Variants in SYT14 observed in about 807,000 individuals in gnomAD.
The protein encoded by SYT14 is synaptotagmin 14.
SYT14 carries 32 observed loss-of-function variants against 74.2 expected under a neutral mutation model. The observed-to-expected ratio is 0.43, with a 90% CI of 0.33 to 0.58. SYT14 has a LOEUF of 0.58. Among genes scored for constraint, SYT14 ranks in the 20% least tolerant of loss-of-function variants. The pLI is 0.05. For missense variants in SYT14, 791 were observed against 981.8 expected, an observed-to-expected ratio of 0.81 and a Z score of 2.60; for synonymous variants, 298 against 337.7, an observed-to-expected ratio of 0.88 and a Z score of 1.29.
chr1:210,059,304 C>A (rs2081156783), intron 5 of SYT14, among the ~76,000 whole-genome samples: 1 of 151,410 alleles, frequency 6.6e-6, no homozygotes, highest in South Asian at 2.1e-4. Context: ...CTGGGAATTT[C>A]CCATGCTAAA....
intron 7 of SYT14, among the ~76,000 whole-genome samples, chr1:210,103,622 A>C (rs1032209257): frequency 2.6e-5 from 4 of 151,960 alleles, no homozygotes; most frequent in Non-Finnish European, 5.9e-5. Flanking sequence ...AATGCATGAT[A>C]GAAAATATAC....
Position 210,037,176 on chromosome 1 carries a change from G to T in SYT14, c.1312+15922G>T, listed in dbSNP as rs145562615. ...AATCTTGGGAGATTGTATGTTTCCA[G>T]GAATTTATCCATTTCCTCTAGGTTT... On this transcript the variant is annotated intron_variant, in intron 5 of 9. Transcript: ENST00000637265. 2.9e-3 allele frequency among the ~76,000 whole-genome samples: 445 copies of T among 152,084 alleles called. 2 individuals are homozygous for T. Among genetic ancestry groups the T allele is most frequent in the African/African-American group, 9.9e-3 (410 of 41,536 alleles).
intron 7 of SYT14, among the ~76,000 whole-genome samples, chr1:210,104,745 C>T (rs2102559204): frequency 6.6e-6 from 1 of 152,220 alleles, no homozygotes; most frequent in Non-Finnish European, 1.5e-5. Flanking sequence ...AAACTCTATT[C>T]TTTATCTCAC....
chr1:210,145,742 C>G (rs1027935338), intron 7 of SYT14, among the ~76,000 whole-genome samples: 7 of 152,192 alleles, frequency 4.6e-5, no homozygotes, highest in African/African-American at 1.7e-4. Flanking sequence ...ACGTGATACC[C>G]ACTTTTGGGG....
At chr1:209,944,704 T>G (rs2078793921) in intron 1 of SYT14, among the ~76,000 whole-genome samples, 1 of 152,048 alleles carries the variant, frequency 6.6e-6, no homozygotes, top group South Asian at 2.1e-4. Context: ...GAATTCCAAT[T>G]TGGGAGGATA....
intron 7 of SYT14, among the ~76,000 whole-genome samples, chr1:210,132,131 G>A (rs1254065684): frequency 6.6e-6 from 1 of 151,970 alleles, no homozygotes; most frequent in Admixed American, 6.6e-5. Context: ...ACTATGTGTT[G>A]CCCTCAATGA....
intron 2 of SYT14, among the ~76,000 whole-genome samples, chr1:209,966,975 T>G (rs910977285): frequency 3.9e-5 from 6 of 152,164 alleles, no homozygotes; most frequent in African/African-American, 1.2e-4. Context: ...ATGTTAGATG[T>G]TTTTGCCTGG....
chr1:209,966,148 G>A, intron 2 of SYT14: 1 of 307,230 alleles, frequency 3.3e-6, no homozygotes, highest in Non-Finnish European at 6.4e-6. Flanking sequence ...GAGGTTACAG[G>A]CATGAGCCAC....
chr1:210,166,600 G>T (rs370952017), exon 10 of SYT14: 3 of 152,204 alleles, frequency 2.0e-5, no homozygotes, highest in African/African-American at 7.2e-5. Flanking sequence ...GAGAGGAAGG[G>T]AGGAGGAGAA....
chr1:209,967,652 A>T (rs1159942336), intron 2 of SYT14, among the ~76,000 whole-genome samples: 1 of 152,106 alleles, frequency 6.6e-6, no homozygotes, highest in Non-Finnish European at 1.5e-5. Flanking sequence ...TCAAATGAAG[A>T]TAATCTATTT....
intron 5 of SYT14, among the ~76,000 whole-genome samples, chr1:210,068,066 G>C (rs2081328908): frequency 6.6e-6 from 1 of 151,690 alleles, no homozygotes; most frequent in Non-Finnish European, 1.5e-5. Flanking sequence ...TATGATGTTT[G>C]CTCTGGTTAT....
At chr1:210,076,269 A>G (rs1418779106) in intron 5 of SYT14, among the ~76,000 whole-genome samples, 1 of 152,220 alleles carries the variant, frequency 6.6e-6, no homozygotes, top group Admixed American at 6.5e-5. Context: ...TCTTACTAAT[A>G]TAGATGCCAT....
At chr1:210,139,279 T>A in intron 7 of SYT14, among the ~76,000 whole-genome samples, 1 of 147,664 alleles carries the variant, frequency 6.8e-6, no homozygotes, top group Non-Finnish European at 1.5e-5. Context: ...TTTTTTTTTT[T>A]TTTTTTTTGA....
chr1:210,121,770 G>A (rs532998530), intron 7 of SYT14, among the ~76,000 whole-genome samples: 20 of 151,002 alleles, frequency 1.3e-4, no homozygotes, highest in African/African-American at 4.9e-4. Flanking sequence ...CTCTAGCCTG[G>A]GCGACAGAGC....
At chr1:210,033,488 G>C (rs757119511) in intron 5 of SYT14, among the ~76,000 whole-genome samples, 43 of 151,858 alleles carry the variant, frequency 2.8e-4, no homozygotes, top group South Asian at 6.2e-4. Context: ...TGAAATCTTT[G>C]ATGTGTGAGT....
At chr1:210,037,528 T>C (rs777079463) in intron 5 of SYT14, among the ~76,000 whole-genome samples, 24 of 97,594 alleles carry the variant, frequency 2.5e-4, no homozygotes, top group Non-Finnish European at 4.2e-4. Context: ...GTGATTTTTC[T>C]GTTTTTTTTT....
At chr1:210,068,177 C>A (rs561691074) in intron 5 of SYT14, among the ~76,000 whole-genome samples, 2 of 151,864 alleles carry the variant, frequency 1.3e-5, no homozygotes, top group East Asian at 3.9e-4. Context: ...TTTTCTCTTT[C>A]TAATCTTTGG....
chr1:210,082,297 A>T (rs2081630982), intron 5 of SYT14, among the ~76,000 whole-genome samples: 2 of 152,202 alleles, frequency 1.3e-5, no homozygotes. Context: ...CATCGAGCCA[A>T]ACCATTGGCA....
At chr1:210,142,386 A>G (rs1211599618) in intron 7 of SYT14, among the ~76,000 whole-genome samples, 1 of 152,194 alleles carries the variant, frequency 6.6e-6, no homozygotes, top group Non-Finnish European at 1.5e-5. Flanking sequence ...AGAGTTCTGA[A>G]AAAGTTTTTT....
Sources: allele counts gnomAD v4.1 joint callset (sites outside exome capture counted in the v4.1 genomes callset), GRCh38; gene constraint gnomAD v4.1.1; transcripts MANE v1.5; gene names NCBI Gene and HGNC (gene_info 2026-07-23, HGNC 2026-07-21).